Variants in MFF observed in about 807,000 individuals in gnomAD.
MFF encodes chromosome 2 open reading frame 33.
Under a neutral mutation model 36.9 loss-of-function variants are expected in MFF, and 12 were observed. The ratio of observed to expected loss-of-function variants is 0.33; its 90% CI spans 0.21 to 0.53. The LOEUF (loss-of-function observed/expected upper bound fraction) is 0.53. Among genes scored for constraint, MFF ranks in the 20% least tolerant of loss-of-function variants. The probability of loss-of-function intolerance (pLI) is 0.95; values close to 1 mark genes in which losing one functional copy is unlikely to be tolerated. For missense variants in MFF, 348 were observed against 366.6 expected (o/e 0.95, Z 0.42); for synonymous variants, 99 against 126.2 (o/e 0.78, Z 1.44).
At chr2:227,351,531 T>C (rs2075995715) in intron 6 of MFF, 1 of 152,198 alleles carries the variant, frequency 6.6e-6, no homozygotes. Context: ...GATCAGTTAC[T>C]TAGAGAATGA....
intron 4 of MFF, among the ~76,000 whole-genome samples, chr2:227,335,689 A>G (rs1485062770): frequency 6.6e-6 from 1 of 152,236 alleles, no homozygotes; most frequent in East Asian, 1.9e-4. Flanking sequence ...ATTTGTAGAA[A>G]GCAGTTGTAC....
At chr2:227,336,671 A>C (rs569768232) in intron 4 of MFF, among the ~76,000 whole-genome samples, 1 of 152,312 alleles carries the variant, frequency 6.6e-6, no homozygotes, top group South Asian at 2.1e-4. Flanking sequence ...GAGCTGGAGG[A>C]GTAGAAGAAA....
chr2:227,340,585 G>A, intron 5 of MFF: 1 of 489,160 alleles, frequency 2.0e-6, no homozygotes, highest in Non-Finnish European at 3.7e-6. Flanking sequence ...CCTTTCCTGT[G>A]TAGTATGATT....
At chr2:227,325,627 C>G (rs1250097179) in intron 1 of MFF, 200 bp downstream of exon 1, 1 of 152,320 alleles carries the variant, frequency 6.6e-6, no homozygotes, top group Non-Finnish European at 1.5e-5. Context: ...CTTGAGTCCC[C>G]GAGGAGAGCG....
intron 7 of MFF, among the ~76,000 whole-genome samples, chr2:227,353,573 C>CT (rs2076109679): frequency 6.6e-6 from 1 of 152,152 alleles, no homozygotes; most frequent in African/African-American, 2.4e-5. Flanking sequence ...ATATTTTTCT[C>CT]TAAGTTTGTG....
intron 6 of MFF, among the ~76,000 whole-genome samples, chr2:227,350,578 C>G (rs751541734): frequency 6.6e-6 from 1 of 152,082 alleles, no homozygotes; most frequent in South Asian, 2.1e-4. Flanking sequence ...ACCTAGAAAT[C>G]CAGAGTTGCA....
intron 4 of MFF, among the ~76,000 whole-genome samples, chr2:227,333,002 T>C (rs908465645): frequency 6.6e-6 from 1 of 152,250 alleles, no homozygotes; most frequent in Non-Finnish European, 1.5e-5. Flanking sequence ...ATTAAAAGTT[T>C]CTACTGAGCT....
At chr2:227,342,872 A>T (rs1472281700) in intron 5 of MFF, 2 of 1,443,690 alleles carry the variant, frequency 1.4e-6, no homozygotes, top group Non-Finnish European at 1.9e-6. Flanking sequence ...ATTTTGAAGG[A>T]TTATGTTAAT....
intron 6 of MFF, 61 bp downstream of exon 6, chr2:227,347,445 T>C (rs1574972843): frequency 7.3e-7 from 1 of 1,372,746 alleles, no homozygotes; most frequent in Non-Finnish European, 1.0e-6. Flanking sequence ...TCTTGTTTAG[T>C]GGACTGTGGT....
intron 5 of MFF, chr2:227,346,583 A>G (rs1420221241): frequency 2.6e-5 from 4 of 152,212 alleles, no homozygotes; most frequent in Non-Finnish European, 5.9e-5. Flanking sequence ...CTTTTGCTGT[A>G]TTCACAGATT....
In MFF at chr2:227,350,441, G is replaced by T. The variant is rs182715463; in HGVS notation, c.600-2073G>T. Among the ~76,000 whole-genome samples the T allele has an allele frequency of 2.6e-4, 40 of 152,068 alleles. 1 individual carries two copies. In the East Asian group the frequency reaches 6.4e-3, roughly 24 times the overall value. On this transcript the variant is annotated intron_variant, in intron 6 of 8. Coordinates refer to ENST00000304593, the MANE Select transcript of MFF (RefSeq NM_001277062.2). ...ATGCTTAGCTCTCATTTTTACGAGG[G>T]GCTTGATTATTTTTATGCAGTTTTT...
intron 4 of MFF, among the ~76,000 whole-genome samples, chr2:227,333,011 C>G (rs1033033283): frequency 6.6e-6 from 1 of 152,218 alleles, no homozygotes; most frequent in African/African-American, 2.4e-5. Flanking sequence ...TTCTACTGAG[C>G]TACTCTACTG....
At chr2:227,338,036 C>T (rs1359919746) in intron 4 of MFF, among the ~76,000 whole-genome samples, 2 of 148,618 alleles carry the variant, frequency 1.3e-5, no homozygotes, top group African/African-American at 2.5e-5. Context: ...ACAATGAGAC[C>T]CTATCTGGAA....
intron 4 of MFF, among the ~76,000 whole-genome samples, chr2:227,335,264 T>C (rs1380423115): frequency 6.6e-6 from 1 of 151,588 alleles, no homozygotes; most frequent in Non-Finnish European, 1.5e-5. Context: ...AAAGGCCATA[T>C]ATTGCATTTT....
At chr2:227,351,761 A>G (rs2076006022) in intron 6 of MFF, 1 of 152,222 alleles carries the variant, frequency 6.6e-6, no homozygotes, top group South Asian at 2.1e-4. Context: ...CAAAGTATAT[A>G]CTGAGAATGA....
chr2:227,328,006 C>T (rs1297729262), intron 1 of MFF, among the ~76,000 whole-genome samples: 2 of 152,172 alleles, frequency 1.3e-5, no homozygotes, highest in Non-Finnish European at 2.9e-5. Flanking sequence ...TTCCTTTTCT[C>T]TGTATAGCTT....
At chr2:227,352,737 C>T (rs902820082) in intron 7 of MFF, among the ~76,000 whole-genome samples, 164 bp downstream of exon 7, 3 of 152,154 alleles carry the variant, frequency 2.0e-5, no homozygotes, top group Non-Finnish European at 4.4e-5. Context: ...AGTGAATAAT[C>T]AGTCATGACA....
intron 4 of MFF, among the ~76,000 whole-genome samples, chr2:227,339,636 G>C (rs61369785): frequency 6.6e-6 from 1 of 152,214 alleles, no homozygotes. Context: ...GGCAGAAGCT[G>C]TACTGTTATG....
intron 4 of MFF, among the ~76,000 whole-genome samples, chr2:227,335,273 T>C (rs2106369908): frequency 6.6e-6 from 1 of 152,186 alleles, no homozygotes; most frequent in South Asian, 2.1e-4. Context: ...ATATTGCATT[T>C]TTCTACTTAC....
Sources: allele counts gnomAD v4.1 joint callset (sites outside exome capture counted in the v4.1 genomes callset), GRCh38; gene constraint gnomAD v4.1.1; transcripts MANE v1.5; gene names NCBI Gene and HGNC (gene_info 2026-07-23, HGNC 2026-07-21).